CASC3: variants seen among roughly 807,000 people sequenced by gnomAD.
CASC3 encodes the protein CASC3 exon junction complex subunit, also known as protein CASC3.
Under a neutral mutation model 80.5 loss-of-function variants are expected in CASC3, and 30 were observed. The ratio of observed to expected loss-of-function variants is 0.37; its 90% CI spans 0.28 to 0.51. The LOEUF (loss-of-function observed/expected upper bound fraction) is 0.51. CASC3 is among the 20% of genes least tolerant of loss of function. The pLI is 0.94. For synonymous variants in CASC3, 312 were observed against 333.6 expected, an observed-to-expected ratio of 0.94 and a Z score of 0.70; for missense variants, 824 against 922.2, an observed-to-expected ratio of 0.89 and a Z score of 1.38.
intron 8 of CASC3, chr17:40,167,225 T>G: frequency 1.9e-6 from 1 of 530,198 alleles, no homozygotes; most frequent in Non-Finnish European, 3.3e-6. Flanking sequence ...TCCCAAAGTA[T>G]TGGGATTACA....
chr17:40,166,959 C>A (rs1271997081), intron 8 of CASC3, 98 bp downstream of exon 8: 5 of 853,056 alleles, frequency 5.9e-6, no homozygotes, highest in South Asian at 3.7e-5. Context: ...TTTTTCTTTT[C>A]TTTCTTTCTT....
At position 40,146,905 on chromosome 17, in the gene CASC3, G is replaced by A. The variant is rs78635179; in HGVS notation, c.297+5298G>A. On this transcript the variant is annotated intron_variant, in intron 3 of 13. Transcript: ENST00000264645. ...CCAGCTGAGAAGTACAGTTTCTACT[G>A]AATGTTTATGGCTTTCATACCACCA... Among the ~76,000 whole-genome samples the A allele has an allele frequency of 8.9e-3, 1,353 of 152,268 alleles. 25 individuals carry two copies. Among genetic ancestry groups the A allele is most frequent in the African/African-American group, 0.03 (1,263 of 41,536 alleles).
intron 7 of CASC3, among the ~76,000 whole-genome samples, chr17:40,164,407 G>A (rs1989391621): frequency 6.6e-6 from 1 of 151,798 alleles, no homozygotes; most frequent in African/African-American, 2.4e-5. Context: ...GGGGTTACAG[G>A]CGCACACCAC....
intron 5 of CASC3, among the ~76,000 whole-genome samples, chr17:40,162,403 T>A (rs1213223623): frequency 6.6e-6 from 1 of 152,164 alleles, no homozygotes; most frequent in Non-Finnish European, 1.5e-5. Flanking sequence ...CTTTTCTTAG[T>A]CTGAGGTGTA....
intron 13 of CASC3, 60 bp from the exon 14 acceptor site, chr17:40,170,387 G>A (rs1410662758): frequency 1.0e-6 from 1 of 979,360 alleles, no homozygotes; most frequent in African/African-American, 1.8e-5. Context: ...AACAGCTTGT[G>A]AATGCCCAGA....
At position 40,168,398 on chromosome 17, in the gene CASC3, A is replaced by G; in HGVS notation, c.1946A>G (p.His649Arg). ...PGALPPPPPP[H>R]LYPNTQAPSQ... Reference sequence around the variant, plus strand: ...GCACTGCCTCCCCCACCACCGCCTCATCTGTATCCTAATACACAGGTGAGA... The same window carrying G: ...GCACTGCCTCCCCCACCACCGCCTCGTCTGTATCCTAATACACAGGTGAGA... The change falls in exon 11 of 14, where the codon CAT becomes CGT. Residue 649 changes from histidine to arginine, a missense_variant. Transcript: ENST00000264645. 1.9e-6 allele frequency: 3 copies of G among 1,613,996 alleles called. No individual in the cohort carries two copies. Among genetic ancestry groups the G allele is most frequent in the South Asian group, 1.1e-5 (1 of 91,070 alleles).
intron 3 of CASC3, among the ~76,000 whole-genome samples, chr17:40,156,701 T>A (rs986753847): frequency 6.6e-6 from 1 of 151,020 alleles, no homozygotes; most frequent in Non-Finnish European, 1.5e-5. Flanking sequence ...TAAAAAAAAA[T>A]TAAAAAAATA....
rs144795376 is a variant in CASC3, at chr17:40,162,882, C to A, written c.766C>A (p.Arg256=). The A allele has an allele frequency of 6.2e-7, 1 of 1,613,592 alleles. No homozygotes were observed. The highest frequency in any genetic ancestry group is 1.3e-5 in the African/African-American group (1 of 74,816). Residue 256 remains arginine, a synonymous_variant, in exon 6 of 14, where the codon CGA becomes AGA. Transcript: ENST00000264645. ...TCATAATCCTGATGACATCAAACCT[C>A]GAAGAATCCGGAAACCCCGGTGAGG... ...SAHNPDDIKP[R]RIRKPRYGSP...
At chr17:40,155,266 T>C (rs1361544562) in intron 3 of CASC3, among the ~76,000 whole-genome samples, 1 of 151,740 alleles carries the variant, frequency 6.6e-6, no homozygotes, top group African/African-American at 2.4e-5. Context: ...TGTTTTGTTT[T>C]GTTTTTTTGA....
At chr17:40,155,056 A>AT (rs1432675532) in intron 3 of CASC3, among the ~76,000 whole-genome samples, 8 of 151,376 alleles carry the variant, frequency 5.3e-5, no homozygotes, top group Middle Eastern at 3.4e-3. Flanking sequence ...CGCCCAGCTG[A>AT]TTTTTTGTAT....
intron 7 of CASC3, among the ~76,000 whole-genome samples, chr17:40,165,069 C>T (rs1286591663): frequency 1.3e-5 from 2 of 151,442 alleles, no homozygotes; most frequent in Non-Finnish European, 2.9e-5. Flanking sequence ...TACAGGCGCC[C>T]ACCACCGCGA....
chr17:40,140,808 G>A (rs1051363672), intron 1 of CASC3, 29 bp downstream of exon 1: 2 of 1,317,264 alleles, frequency 1.5e-6, no homozygotes, highest in Non-Finnish European at 2.0e-6. Flanking sequence ...GGCGGGGTGG[G>A]GACCGGGCGG....
chr17:40,168,336 G>A lies in CASC3; in HGVS notation c.1884G>A (p.Met628Ile), dbSNP rs144327728. Reference sequence around the variant, plus strand: ...CTTACTTTTCTGCTCCAGGCGTCATGAACTTTGGTAATCCCAGTTACCCTT... The same window carrying A: ...CTTACTTTTCTGCTCCAGGCGTCATAAACTTTGGTAATCCCAGTTACCCTT... ...APTYFSAPGV[M>I]NFGNPSYPYA... Residue 628 changes from methionine to isoleucine, a missense_variant, in exon 11 of 14, where the codon ATG becomes ATA. By Grantham distance (10) the Met-to-Ile change is conservative. Around this residue, in one of 3 missense-constraint regions of CASC3, gnomAD observed 464 missense variants for 506.0 expected, o/e 0.92. Transcript: ENST00000264645. 1 of 1,613,980 alleles carries A rather than the reference G, an allele frequency of 6.2e-7. No individual in the cohort carries two copies. The highest frequency in any genetic ancestry group is 8.5e-7 in the Non-Finnish European group (1 of 1,180,022).
chr17:40,142,747 A>G (rs752005571), intron 3 of CASC3, among the ~76,000 whole-genome samples: 37 of 152,142 alleles, frequency 2.4e-4, no homozygotes, highest in Non-Finnish European at 4.0e-4. Flanking sequence ...AAAAATAATA[A>G]TAAATTAGCT....
chr17:40,140,613 G>A lies in CASC3; in HGVS notation c.65G>A (p.Gly22Asp), dbSNP rs184119888. Residue 22 changes from glycine (G) to aspartate (D), a missense_variant, in exon 1 of 14, where the codon GGC becomes GAC. This residue lies in a region of CASC3 where 159 missense variants were observed against 122.2 expected (regional missense o/e 1.30). Transcript: ENST00000264645. Reference protein sequence around the residue: ...DTEDEESGASGSDSGGSPLRG... With the variant: ...DTEDEESGASDSDSGGSPLRG... ...GAGGACGAGGAATCTGGTGCTTCGG[G>A]CTCCGACAGCGGCGGCTCCCCGTTG... 1,435 of 1,611,008 alleles carry A rather than the reference G, an allele frequency of 8.9e-4. No homozygotes were observed. Among genetic ancestry groups the A allele is most frequent in the Non-Finnish European group, 1.1e-3 (1,280 of 1,179,406 alleles).
intron 3 of CASC3, 38 bp from the exon 4 acceptor site, chr17:40,161,715 G>A: frequency 6.3e-7 from 1 of 1,598,474 alleles, no homozygotes; most frequent in South Asian, 1.1e-5. Context: ...GCACCGTTCA[G>A]ATCTTATATG....
chr17:40,153,705 C>A (rs1266895264), intron 3 of CASC3, among the ~76,000 whole-genome samples: 1 of 152,138 alleles, frequency 6.6e-6, no homozygotes, highest in Non-Finnish European at 1.5e-5. Context: ...CTCAGCTACT[C>A]AGGAGGCTGT....
At chr17:40,168,529 AT>A (rs112500395) in intron 11 of CASC3, 112 bp downstream of exon 11, 30,420 of 953,046 alleles carry the variant, frequency 0.032, 1,267 homozygotes, top group African/African-American at 0.17. Flanking sequence ...AGTGCCACTG[AT>A]TTGTATGTGA....
Position 40,168,211 on chromosome 17 carries a change from C to G in CASC3, c.1759C>G (p.Pro587Ala), listed in dbSNP as rs752491968. The G allele has an allele frequency of 6.2e-7, 1 of 1,613,912 alleles. No individual in the cohort carries two copies. Among genetic ancestry groups the G allele is most frequent in the Non-Finnish European group, 8.5e-7 (1 of 1,179,828 alleles). ...TTCTTCTCCTTATCCAGGTTTACAT[C>G]CCCACCAGACACCAGCTCCTCTGCC... is the stretch of plus-strand genomic sequence containing the variant. The part of the protein sequence containing the change: ...GMNLPHPGLH[P>A]HQTPAPLPNP... Residue 587 changes from proline to alanine, a missense_variant, in exon 11 of 14, where the codon CCC becomes GCC. Transcript: ENST00000264645.
Sources: gnomAD v4.1 joint callset for allele counts (sites outside exome capture counted in the v4.1 genomes callset) on GRCh38, gnomAD v4.1.1 for gene constraint, gnomAD v4.1.1 regional missense constraint, MANE v1.5 for transcripts, NCBI Gene and HGNC (gene_info 2026-07-23, HGNC 2026-07-21) for gene names.